PTK2: variants seen among roughly 807,000 people sequenced by gnomAD.
PTK2 encodes focal adhesion kinase 1.
Under a neutral mutation model 150.1 loss-of-function variants are expected in PTK2, and 45 were observed. The ratio of observed to expected loss-of-function variants is 0.30; its 90% CI spans 0.24 to 0.38. The LOEUF (loss-of-function observed/expected upper bound fraction) is 0.38. PTK2 is among the 10% of genes least tolerant of loss of function. The pLI is 1.00. For missense variants in PTK2, 919 were observed against 1,307.3 expected, an observed-to-expected ratio of 0.70 and a Z score of 4.58; for synonymous variants, 432 against 449.2, an observed-to-expected ratio of 0.96 and a Z score of 0.48.
At chr8:140,744,800 A>G (rs2100057790) in intron 18 of PTK2, 33 bp from the exon 22 acceptor site, 1 of 1,327,592 alleles carries the variant, frequency 7.5e-7, no homozygotes, top group East Asian at 2.3e-5. Context: ...AAAAAAAAAA[A>G]AAAAAGAATT....
At chr8:140,658,000 G>C (rs925692151) in exon 32 of PTK2, 3 of 152,168 alleles carry the variant, frequency 2.0e-5, no homozygotes, top group East Asian at 1.9e-4. Flanking sequence ...AGTTCTATTT[G>C]CTCCCTGCTC....
intron 7 of PTK2, among the ~76,000 whole-genome samples, chr8:140,845,003 A>C (rs1014657518): frequency 6.6e-6 from 1 of 152,018 alleles, no homozygotes; most frequent in Non-Finnish European, 1.5e-5. Context: ...CCTAATTCAA[A>C]TGTAATCAGC....
chr8:140,762,805 G>C (rs2100070134), intron 15 of PTK2, among the ~76,000 whole-genome samples: 2 of 151,714 alleles, frequency 1.3e-5, no homozygotes, highest in African/African-American at 4.8e-5. Flanking sequence ...TTCTGAGACA[G>C]GGTCTCACTC....
chr8:140,882,857 T>C (rs1284552177), intron 3 of PTK2, among the ~76,000 whole-genome samples: 1 of 152,196 alleles, frequency 6.6e-6, no homozygotes, highest in Non-Finnish European at 1.5e-5. Flanking sequence ...CCAAACTTCC[T>C]GGCCATCAAC....
At chr8:140,700,796 C>G in intron 26 of PTK2, 95 bp downstream of exon 29, 1 of 1,477,758 alleles carries the variant, frequency 6.8e-7, no homozygotes, top group South Asian at 1.3e-5. Flanking sequence ...AACTAACTCT[C>G]CTGCTTTGAA....
intron 3 of PTK2, among the ~76,000 whole-genome samples, chr8:140,880,408 G>C (rs1263375345): frequency 6.6e-6 from 1 of 152,168 alleles, no homozygotes; most frequent in Non-Finnish European, 1.5e-5. Flanking sequence ...CTAGGTATGA[G>C]GGCCATGAGA....
At chr8:140,756,705 A>AG (rs2100066004) in intron 16 of PTK2, among the ~76,000 whole-genome samples, 1 of 151,722 alleles carries the variant, frequency 6.6e-6, no homozygotes, top group South Asian at 2.1e-4. Context: ...AAAAAAAAAA[A>AG]AAGGCGGGGC....
At chr8:140,933,067 T>A (rs183320369) in intron 1 of PTK2, among the ~76,000 whole-genome samples, 1 of 152,104 alleles carries the variant, frequency 6.6e-6, no homozygotes, top group East Asian at 1.9e-4. Flanking sequence ...GCCAGGCTGG[T>A]CTTGAACTCC....
chr8:140,966,798 G>A (rs550178382), intron 1 of PTK2, among the ~76,000 whole-genome samples: 1 of 152,288 alleles, frequency 6.6e-6, no homozygotes, highest in East Asian at 1.9e-4. Context: ...TGTATTTTAA[G>A]ATAGGTATAA....
intron 31 of PTK2, among the ~76,000 whole-genome samples, chr8:140,662,382 T>G (rs771129745): frequency 6.6e-6 from 1 of 152,178 alleles, no homozygotes; most frequent in Non-Finnish European, 1.5e-5. Flanking sequence ...AAAGATTACT[T>G]TAGACTTTAT....
At chr8:140,867,497 A>G (rs1347234416) in intron 4 of PTK2, among the ~76,000 whole-genome samples, 2 of 152,158 alleles carry the variant, frequency 1.3e-5, no homozygotes, top group African/African-American at 4.8e-5. Context: ...AAAGAACTTA[A>G]CTCAAGCCTG....
intron 2 of PTK2, among the ~76,000 whole-genome samples, chr8:140,898,787 C>A (rs2100157328): frequency 6.6e-6 from 1 of 152,048 alleles, no homozygotes; most frequent in South Asian, 2.1e-4. Context: ...AGTACACTGA[C>A]CCTTTAATAA....
chr8:140,746,944 G>A, intron 17 of PTK2, 84 bp from the exon 21 acceptor site: 1 of 910,012 alleles, frequency 1.1e-6, no homozygotes. Context: ...AGGCTGGAGT[G>A]CAGTGGTACA....
chr8:140,905,514 C>A (rs188428294), intron 2 of PTK2, among the ~76,000 whole-genome samples: 1 of 152,124 alleles, frequency 6.6e-6, no homozygotes, highest in Non-Finnish European at 1.5e-5. Flanking sequence ...TACAGGAGCA[C>A]CCAGATTCAT....
At chr8:140,840,734 A>G (rs1451033961) in intron 7 of PTK2, among the ~76,000 whole-genome samples, 1 of 152,200 alleles carries the variant, frequency 6.6e-6, no homozygotes, top group Non-Finnish European at 1.5e-5. Context: ...CACCGGAAAT[A>G]AATAATAAAA....
chr8:140,844,410 G>A (rs11167002), intron 7 of PTK2, among the ~76,000 whole-genome samples: 1 of 151,594 alleles, frequency 6.6e-6, no homozygotes, highest in Non-Finnish European at 1.5e-5. Context: ...TTTTTCTATA[G>A]AGGAAATTTG....
chr8:140,856,669 G>C (rs1198088343), intron 5 of PTK2, among the ~76,000 whole-genome samples: 1 of 152,110 alleles, frequency 6.6e-6, no homozygotes, highest in Non-Finnish European at 1.5e-5. Context: ...AACTTCCTGG[G>C]GTGATGGTCA....
chr8:140,751,498 C>CTT lies in PTK2; in HGVS notation c.1417+732_1417+733dup, dbSNP rs562902470. On this transcript the variant is annotated intron_variant, in intron 17 of 31. Transcript: ENST00000522684. The stretch of plus-strand genomic sequence containing the variant: ...GGTGATTTGTTCTTTTTCTTTCTTT[C>CTT]TTTTTTTTTTTTGAGGCAGAGATTG... 4.5e-3 allele frequency among the ~76,000 whole-genome samples: 647 copies of CTT among 145,054 alleles called. 3 individuals carry two copies. Among genetic ancestry groups the CTT allele is most frequent in the African/African-American group, 0.015 (613 of 39,808 alleles).
At chr8:140,760,680 C>T (rs1027724174) in intron 16 of PTK2, among the ~76,000 whole-genome samples, 1 of 152,170 alleles carries the variant, frequency 6.6e-6, no homozygotes, top group South Asian at 2.1e-4. Flanking sequence ...TTTGTGAATA[C>T]ACTGAAAAGC....
Sources: allele counts gnomAD v4.1 joint callset (sites outside exome capture counted in the v4.1 genomes callset), GRCh38; gene constraint gnomAD v4.1.1; transcripts MANE v1.5; gene names NCBI Gene and HGNC (gene_info 2026-07-23, HGNC 2026-07-21).